The following NOL10 variants were observed in gnomAD, a reference collection of about 807,000 sequenced individuals.
The protein encoded by NOL10 is nucleolar protein 10.
A neutral mutation model predicts 103.5 loss-of-function variants in NOL10; 58 were observed. That is an observed-to-expected ratio of 0.56 (90% CI 0.45 to 0.70). NOL10 has a LOEUF of 0.70. Among genes scored for constraint, NOL10 ranks in the 30% least tolerant of loss-of-function variants. NOL10 has a pLI of 0.00. For synonymous variants in NOL10, 287 were observed against 282.5 expected, an observed-to-expected ratio of 1.02 and a Z score of -0.16; for missense variants, 763 against 807.3, an observed-to-expected ratio of 0.95 and a Z score of 0.67.
chr2:10,599,210 T>TTAA (rs1171812452), intron 17 of NOL10, among the ~76,000 whole-genome samples: 2 of 152,258 alleles, frequency 1.3e-5, no homozygotes, highest in Non-Finnish European at 1.5e-5. Context: ...CTCTATCAGA[T>TTAA]GATAAAGACT....
intron 12 of NOL10, among the ~76,000 whole-genome samples, chr2:10,653,528 T>G (rs1298428678): frequency 3.3e-5 from 5 of 152,130 alleles, no homozygotes; most frequent in Admixed American, 6.5e-5. Context: ...GAACAAGTCC[T>G]CTCTGACAGC....
intron 20 of NOL10, among the ~76,000 whole-genome samples, chr2:10,577,348 A>C (rs1318052323): frequency 2.0e-5 from 3 of 152,194 alleles, no homozygotes; most frequent in African/African-American, 7.2e-5. Flanking sequence ...CTACAGAGCA[A>C]TCCAGAAACC....
intron 1 of NOL10, among the ~76,000 whole-genome samples, chr2:10,687,736 A>G (rs1020073717): frequency 1.3e-5 from 2 of 152,180 alleles, no homozygotes; most frequent in Non-Finnish European, 2.9e-5. Context: ...AGGTGGGTGG[A>G]TCACAAGATC....
chr2:10,583,825 T>C (rs183571981), intron 19 of NOL10, among the ~76,000 whole-genome samples: 40 of 152,350 alleles, frequency 2.6e-4, no homozygotes, highest in Non-Finnish European at 3.2e-4. Context: ...GCACATTGTC[T>C]TTCTAAAATG....
At chr2:10,621,767 A>G (rs1457298213) in intron 13 of NOL10, among the ~76,000 whole-genome samples, 1 of 152,236 alleles carries the variant, frequency 6.6e-6, no homozygotes, top group African/African-American at 2.4e-5. Context: ...AGACCTTTAA[A>G]GGAGTCTGGC....
chr2:10,585,433 A>C (rs1348272187), intron 19 of NOL10, among the ~76,000 whole-genome samples: 1 of 152,256 alleles, frequency 6.6e-6, no homozygotes, highest in East Asian at 1.9e-4. Context: ...AATTTCTTCC[A>C]ATTCTTGCAC....
At chr2:10,672,940 C>T (rs574791174) in intron 5 of NOL10, among the ~76,000 whole-genome samples, 1 of 152,142 alleles carries the variant, frequency 6.6e-6, no homozygotes, top group African/African-American at 2.4e-5. Flanking sequence ...CTGCAATGAG[C>T]TGAAATTACG....
rs371579495 is a variant in NOL10, at chr2:10,603,536, A to T, written c.1154-379T>A. On this transcript the variant is annotated intron_variant, in intron 14 of 20. Transcript: ENST00000381685. Reference sequence around the variant, plus strand: ...AATGAGGAGAAGGGAGAGAGGAGAAACATTGTCATCGACCATTTGCAAAGA... The same window carrying T: ...AATGAGGAGAAGGGAGAGAGGAGAATCATTGTCATCGACCATTTGCAAAGA... 7.9e-5 allele frequency among the ~76,000 whole-genome samples: 12 copies of T among 152,328 alleles called. No homozygotes were observed. The South Asian group carries it at 1.7e-3, about 21-fold the overall frequency.
At chr2:10,669,481 T>C (rs145909602) in intron 6 of NOL10, among the ~76,000 whole-genome samples, 5,303 of 132,406 alleles carry the variant, frequency 0.04, 309 homozygotes, top group African/African-American at 0.13. Flanking sequence ...TATATATATA[T>C]ACACACACAC....
At chr2:10,592,594 A>G (rs1266094750) in intron 17 of NOL10, among the ~76,000 whole-genome samples, 1 of 152,200 alleles carries the variant, frequency 6.6e-6, no homozygotes, top group Admixed American at 6.5e-5. Flanking sequence ...CCTATTACAC[A>G]TTTTCAGGTT....
chr2:10,684,525 T>G, intron 2 of NOL10, 42 bp downstream of exon 2: 1 of 1,469,550 alleles, frequency 6.8e-7, no homozygotes, highest in South Asian at 1.2e-5. Flanking sequence ...CATTAGAACA[T>G]GGATCACTAA....
At chr2:10,638,108 C>A (rs1678393947) in intron 13 of NOL10, among the ~76,000 whole-genome samples, 1 of 152,176 alleles carries the variant, frequency 6.6e-6, no homozygotes, top group South Asian at 2.1e-4. Context: ...ACAGTGAGAT[C>A]CTCTCTCTAC....
At chr2:10,631,216 A>G (rs1677818391) in intron 13 of NOL10, among the ~76,000 whole-genome samples, 1 of 152,198 alleles carries the variant, frequency 6.6e-6, no homozygotes, top group Non-Finnish European at 1.5e-5. Flanking sequence ...AGTAAACATA[A>G]ATGATCCTAC....
Position 10,667,287 on chromosome 2 carries a change from G to A in NOL10, c.531-9C>T. 6.4e-7 allele frequency: 1 copy of A among 1,570,148 alleles called. No homozygotes were observed. The highest frequency in any genetic ancestry group is 8.7e-7 in the Non-Finnish European group (1 of 1,154,820). On this transcript the variant is annotated splice_polypyrimidine_tract_variant and intron_variant, in intron 7 of 20. Coordinates refer to ENST00000381685, the MANE Select transcript of NOL10 (RefSeq NM_024894.4). The stretch of plus-strand genomic sequence containing the variant: ...CACAAACATTATTCTCCCTAACACA[G>A]GAAAGCAGTAAGAAAGAATGAATTA...
chr2:10,574,212 G>A (rs1212957754), intron 20 of NOL10, among the ~76,000 whole-genome samples: 6 of 152,304 alleles, frequency 3.9e-5, no homozygotes, highest in East Asian at 3.9e-4. Context: ...ATACACATGC[G>A]TTAATGGAAA....
intron 19 of NOL10, among the ~76,000 whole-genome samples, chr2:10,587,110 CATATATAT>C (rs1323333701): frequency 2.6e-4 from 11 of 42,166 alleles, no homozygotes; most frequent in Admixed American, 5.7e-4. Flanking sequence ...CATATATATA[CATATATAT>C]ACATATATAT....
At chr2:10,605,552 C>A (rs1676208570) in intron 14 of NOL10, among the ~76,000 whole-genome samples, 1 of 152,036 alleles carries the variant, frequency 6.6e-6, no homozygotes, top group Non-Finnish European at 1.5e-5. Context: ...ATGAGCAGTA[C>A]AATTACTTTT....
At chr2:10,654,685 T>C (rs1679706526) in intron 11 of NOL10, 138 bp from the exon 12 acceptor site, 1 of 502,138 alleles carries the variant, frequency 2.0e-6, no homozygotes, top group Admixed American at 3.9e-5. Flanking sequence ...AAATTTAAAT[T>C]CTTAAAAATC....
chr2:10,580,538 C>T (rs10182589), intron 19 of NOL10, among the ~76,000 whole-genome samples: 52,246 of 151,956 alleles, frequency 0.34, 9,417 homozygotes, highest in Non-Finnish European at 0.4. Flanking sequence ...AAAATAGATA[C>T]AGGCTTTACA....
Sources: gnomAD v4.1 joint callset for allele counts (sites outside exome capture counted in the v4.1 genomes callset) on GRCh38, gnomAD v4.1.1 for gene constraint, MANE v1.5 for transcripts, NCBI Gene and HGNC (gene_info 2026-07-23, HGNC 2026-07-21) for gene names.